PCLO: variants seen among roughly 807,000 people sequenced by gnomAD.
PCLO encodes the protein protein piccolo.
In PCLO, 82 loss-of-function variants were observed where a neutral mutation model predicts 427.5. The observed-to-expected ratio is 0.19, with a 90% CI of 0.16 to 0.23. The LOEUF (loss-of-function observed/expected upper bound fraction) is 0.23. PCLO is among the 10% of genes least tolerant of loss of function. PCLO has a pLI of 1.00. For missense variants in PCLO, 6,239 were observed against 6,115.9 expected (o/e 1.02, Z -0.67); for synonymous variants, 2,357 against 2,155.4 (o/e 1.09, Z -2.59).
chr7:83,010,598 A>G (rs1247842232), intron 3 of PCLO, among the ~76,000 whole-genome samples: 1 of 150,370 alleles, frequency 6.7e-6, no homozygotes, highest in Non-Finnish European at 1.5e-5. Context: ...ATATTTTAAT[A>G]TAATATATAT....
intron 10 of PCLO, among the ~76,000 whole-genome samples, chr7:82,853,531 A>C (rs941524482): frequency 2.0e-5 from 3 of 152,222 alleles, no homozygotes; most frequent in African/African-American, 4.8e-5. Context: ...AAAAACTATA[A>C]TTTTTTTAAA....
intron 3 of PCLO, among the ~76,000 whole-genome samples, chr7:83,071,199 C>A (rs1789807631): frequency 6.6e-6 from 1 of 152,222 alleles, no homozygotes; most frequent in African/African-American, 2.4e-5. Flanking sequence ...GACCTTTAGG[C>A]AGTAACTCCC....
chr7:82,991,214 G>GTCTA (rs552179901), intron 3 of PCLO, among the ~76,000 whole-genome samples: 24 of 151,978 alleles, frequency 1.6e-4, no homozygotes, highest in Middle Eastern at 3.4e-3. Context: ...GTATCTATCT[G>GTCTA]TCTATCTATC....
In PCLO at chr7:82,950,945, C is replaced by T. The variant is rs75551727; in HGVS notation, c.9643G>A (p.Asp3215Asn). 1.2e-6 allele frequency: 2 copies of T among 1,613,378 alleles called. No homozygotes were observed. The highest frequency in any genetic ancestry group is 2.7e-5 in the African/African-American group (2 of 74,936). ...PEEDKQQQQL[D>N]LERELLELEK... ...AGTTCCAGGAGCTCACGCTCCAAGT[C>T]TAGCTGCTGCTGTTGTTTATCTTCT... Residue 3215 changes from aspartate (D) to asparagine (N), a missense_variant, in exon 6 of 25, where the codon GAC becomes AAC. Transcript: ENST00000333891.
chr7:83,115,882 T>C (rs1486643816), intron 3 of PCLO, among the ~76,000 whole-genome samples: 1 of 152,068 alleles, frequency 6.6e-6, no homozygotes, highest in Non-Finnish European at 1.5e-5. Context: ...CCTTGGGGTG[T>C]CTTCAGTCCC....
intron 10 of PCLO, among the ~76,000 whole-genome samples, chr7:82,866,232 C>A (rs144055044): frequency 1.1e-3 from 171 of 152,068 alleles, no homozygotes; most frequent in African/African-American, 4.0e-3. Flanking sequence ...TTTCTCTTAC[C>A]ACCTCACCTC....
chr7:82,800,177 G>T (rs1056959059), intron 22 of PCLO, among the ~76,000 whole-genome samples: 1 of 152,096 alleles, frequency 6.6e-6, no homozygotes, highest in African/African-American at 2.4e-5. Flanking sequence ...TTACAATTTC[G>T]AATAGAACAA....
intron 6 of PCLO, among the ~76,000 whole-genome samples, chr7:82,920,980 G>A (rs185514206): frequency 6.6e-6 from 1 of 151,802 alleles, no homozygotes; most frequent in Non-Finnish European, 1.5e-5. Flanking sequence ...ATTTATTGAT[G>A]TATTCAAAGA....
chr7:82,968,501 T>C (rs1290635855), intron 3 of PCLO, among the ~76,000 whole-genome samples: 1 of 150,204 alleles, frequency 6.7e-6, no homozygotes, highest in African/African-American at 2.5e-5. Flanking sequence ...TTAAGAGATT[T>C]TCATTCAGAG....
intron 6 of PCLO, among the ~76,000 whole-genome samples, chr7:82,944,061 C>G (rs2116393882): frequency 7.2e-6 from 1 of 139,144 alleles, no homozygotes; most frequent in East Asian, 2.3e-4. Context: ...GCAGGAGAAT[C>G]ACTTGAACCC....
intron 3 of PCLO, among the ~76,000 whole-genome samples, chr7:83,058,201 T>C (rs1053903031): frequency 3.3e-5 from 5 of 152,186 alleles, no homozygotes; most frequent in Admixed American, 3.3e-4. Flanking sequence ...CACAGAGTAG[T>C]TTGAAATCAG....
chr7:82,868,495 G>A (rs1490834408), intron 10 of PCLO, among the ~76,000 whole-genome samples: 1 of 152,192 alleles, frequency 6.6e-6, no homozygotes, highest in Non-Finnish European at 1.5e-5. Context: ...GAGCAAGCTA[G>A]CTGGACCAAT....
chr7:83,031,719 TC>T, intron 3 of PCLO, among the ~76,000 whole-genome samples: 1 of 151,344 alleles, frequency 6.6e-6, no homozygotes, highest in South Asian at 2.1e-4. Context: ...TTAATCTCTC[TC>T]TCTCTCTCTC....
chr7:83,020,129 A>C (rs1414006953), intron 3 of PCLO, among the ~76,000 whole-genome samples: 1 of 152,120 alleles, frequency 6.6e-6, no homozygotes, highest in Admixed American at 6.6e-5. Context: ...AAAAATTATT[A>C]AATAAATGGC....
chr7:83,057,348 A>ATATATATATATT (rs1392338061), intron 3 of PCLO, among the ~76,000 whole-genome samples: 2 of 19,628 alleles, frequency 1.0e-4, no homozygotes, highest in African/African-American at 1.7e-4. Flanking sequence ...ATATATATAT[A>ATATATATATATT]TTTTTTTTTT....
At chr7:83,040,972 T>C (rs1053575037) in intron 3 of PCLO, among the ~76,000 whole-genome samples, 1 of 152,192 alleles carries the variant, frequency 6.6e-6, no homozygotes, top group Non-Finnish European at 1.5e-5. Context: ...TTGTGAATAG[T>C]TTTTAGACTG....
At chr7:82,981,185 T>C (rs76409214) in intron 3 of PCLO, among the ~76,000 whole-genome samples, 3,223 of 151,698 alleles carry the variant, frequency 0.021, 125 homozygotes, top group African/African-American at 0.074. Flanking sequence ...ACTTCGTAAC[T>C]ATAGGGTACT....
Position 82,953,568 on chromosome 7 carries a change from A to G in PCLO, c.7385T>C (p.Leu2462Pro). ...ATPLFDAVTT[L>P]ETTAVLRSNG... Reference sequence around the variant, plus strand: ...ACTTCTCAGAACAGCTGTGGTCTCTAGAGTAGTAACAGCATCAAACAGAGG... The same window carrying G: ...ACTTCTCAGAACAGCTGTGGTCTCTGGAGTAGTAACAGCATCAAACAGAGG... The change falls in exon 5 of 25, where the codon CTA (leucine) becomes CCA (proline). Residue 2462 changes from leucine (L) to proline (P), a missense_variant. Physicochemically the swap from Leu to Pro is moderately conservative, Grantham distance 98 (BLOSUM62 -3). Coordinates refer to ENST00000333891, the MANE Select transcript of PCLO (RefSeq NM_033026.6). 6.2e-7 allele frequency: 1 copy of G among 1,612,584 alleles called. No individual in the cohort carries two copies.
chr7:82,969,135 GA>G (rs1318443108), intron 3 of PCLO, among the ~76,000 whole-genome samples: 1 of 152,044 alleles, frequency 6.6e-6, no homozygotes, highest in Non-Finnish European at 1.5e-5. Flanking sequence ...CTTGGCACAA[GA>G]AAAATGTGTT....
Sources: allele counts gnomAD v4.1 joint callset (sites outside exome capture counted in the v4.1 genomes callset), GRCh38; gene constraint gnomAD v4.1.1; transcripts MANE v1.5; gene names NCBI Gene and HGNC (gene_info 2026-07-23, HGNC 2026-07-21).